IGFBP7: variants seen among roughly 807,000 people sequenced by gnomAD.
IGFBP7 encodes the protein insulin like growth factor binding protein 7.
A neutral mutation model predicts 29.4 loss-of-function variants in IGFBP7; 31 were observed. That is an observed-to-expected ratio of 1.05 (90% CI 0.79 to 1.42). The LOEUF (loss-of-function observed/expected upper bound fraction) is 1.42. IGFBP7 is among the 40% of genes most tolerant of loss of function. The pLI, the probability that IGFBP7 is intolerant of heterozygous loss-of-function variation, is 0.00. For missense variants in IGFBP7, 393 were observed against 395.5 expected (o/e 0.99, Z 0.05); for synonymous variants, 172 against 174.9 (o/e 0.98, Z 0.13).
At chr4:57,070,503 G>A (rs1405272548) in intron 1 of IGFBP7, among the ~76,000 whole-genome samples, 2 of 152,148 alleles carry the variant, frequency 1.3e-5, no homozygotes, top group African/African-American at 4.8e-5. Flanking sequence ...ATCCCTTTGG[G>A]GACAGAAAAA....
intron 3 of IGFBP7, 152 bp from the exon 4 acceptor site, chr4:57,032,704 G>A (rs1349885070): frequency 1.5e-6 from 1 of 687,084 alleles, no homozygotes; most frequent in Non-Finnish European, 2.6e-6. Context: ...TGTGATAGGA[G>A]ACTTCGATAA....
chr4:57,049,712 T>C (rs1724457189), intron 1 of IGFBP7, among the ~76,000 whole-genome samples: 1 of 152,190 alleles, frequency 6.6e-6, no homozygotes, highest in Admixed American at 6.5e-5. Flanking sequence ...TTAGCTGGCC[T>C]AATTGAGGAT....
At chr4:57,038,478 G>A (rs1417783659) in intron 2 of IGFBP7, among the ~76,000 whole-genome samples, 1 of 152,144 alleles carries the variant, frequency 6.6e-6, no homozygotes, top group Non-Finnish European at 1.5e-5. Context: ...TGCCTAGGCT[G>A]GTTTCAAATG....
chr4:57,102,869 A>C (rs1049027730), intron 1 of IGFBP7, among the ~76,000 whole-genome samples: 2 of 152,212 alleles, frequency 1.3e-5, no homozygotes, highest in African/African-American at 4.8e-5. Flanking sequence ...ACTGGACTGG[A>C]GCAGACTCTT....
chr4:57,093,925 C>T (rs1310397967), intron 1 of IGFBP7, among the ~76,000 whole-genome samples: 1 of 152,084 alleles, frequency 6.6e-6, no homozygotes, highest in African/African-American at 2.4e-5. Flanking sequence ...TGTAAATGTA[C>T]CTTTGTTCAT....
chr4:57,110,025 G>T lies in IGFBP7; in HGVS notation c.327C>A (p.Gly109=). 2 of 1,555,218 alleles carry T rather than the reference G, an allele frequency of 1.3e-6. No individual in the cohort carries two copies. The highest frequency in any genetic ancestry group is 2.4e-5 in the East Asian group (1 of 42,164). Residue 109 remains glycine, a synonymous_variant, in exon 1 of 5, where the codon GGC becomes GGA. Coordinates refer to ENST00000295666, the MANE Select transcript of IGFBP7 (RefSeq NM_001553.3). ...GGTAGCGGCTCTTGCACACGCACAC[G>T]CCGCTTACACCCGGACCGCCGGCTG... The part of the protein sequence containing the change: ...GAAAGGPGVS[G]VCVCKSRYPV...
intron 1 of IGFBP7, among the ~76,000 whole-genome samples, chr4:57,095,198 A>G (rs924210372): frequency 2.6e-5 from 4 of 152,234 alleles, no homozygotes; most frequent in African/African-American, 9.6e-5. Context: ...CATGAGTTCA[A>G]TGTTAATGAA....
intron 1 of IGFBP7, among the ~76,000 whole-genome samples, chr4:57,052,972 G>T (rs753602410): frequency 6.6e-6 from 1 of 151,580 alleles, no homozygotes; most frequent in Non-Finnish European, 1.5e-5. Flanking sequence ...GCAATGTGTT[G>T]GTTGCTTGCA....
At chr4:57,080,496 C>T (rs983976247) in intron 1 of IGFBP7, among the ~76,000 whole-genome samples, 1 of 152,098 alleles carries the variant, frequency 6.6e-6, no homozygotes, top group Non-Finnish European at 1.5e-5. Flanking sequence ...ATACTGAGTC[C>T]CCATCTTCCC....
At chr4:57,034,107 A>G (rs1423343459) in intron 2 of IGFBP7, among the ~76,000 whole-genome samples, 1 of 150,272 alleles carries the variant, frequency 6.7e-6, no homozygotes, top group African/African-American at 2.4e-5. Context: ...TTCTTTTATG[A>G]CAAAACTTGC....
chr4:57,085,986 G>A (rs926888946), intron 1 of IGFBP7, among the ~76,000 whole-genome samples: 4 of 152,200 alleles, frequency 2.6e-5, no homozygotes, highest in Non-Finnish European at 4.4e-5. Context: ...GAAGGGAGCT[G>A]TATTAGTCCA....
intron 1 of IGFBP7, among the ~76,000 whole-genome samples, chr4:57,070,255 T>C (rs3849658): frequency 0.16 from 24,741 of 152,178 alleles, 2,084 homozygotes; most frequent in South Asian, 0.17. Flanking sequence ...TTGTATAATG[T>C]CTTATTAAGA....
Position 57,086,485 on chromosome 4 carries a change from T to C in IGFBP7, c.475+23392A>G, listed in dbSNP as rs141899727. Among the ~76,000 whole-genome samples, 428 of 152,296 alleles carry C rather than the reference T, an allele frequency of 2.8e-3. 2 individuals carry two copies. Among genetic ancestry groups the C allele is most frequent in the Non-Finnish European group, 4.4e-3 (300 of 68,028 alleles). ...GGCTATGTTGAGATTTACCTATTAT[T>C]GGATCTGTCATCACCTCATTACTGC... On this transcript the variant is annotated intron_variant, in intron 1 of 4. Coordinates refer to ENST00000295666, the MANE Select transcript of IGFBP7 (RefSeq NM_001553.3).
chr4:57,093,707 A>G (rs1352354189), intron 1 of IGFBP7, among the ~76,000 whole-genome samples: 2 of 152,080 alleles, frequency 1.3e-5, no homozygotes, highest in African/African-American at 4.8e-5. Flanking sequence ...TAAGGTATTT[A>G]AATACAATCT....
intron 1 of IGFBP7, among the ~76,000 whole-genome samples, chr4:57,062,442 G>C (rs370282343): frequency 6.6e-6 from 1 of 152,136 alleles, no homozygotes; most frequent in African/African-American, 2.4e-5. Context: ...ATTTGCACCC[G>C]GTCTGAAATG....
chr4:57,058,289 A>G (rs186451874), intron 1 of IGFBP7, among the ~76,000 whole-genome samples: 3 of 152,336 alleles, frequency 2.0e-5, no homozygotes, highest in African/African-American at 2.4e-5. Context: ...CAGAAGTTCA[A>G]TTCCTAATAA....
At chr4:57,078,583 G>A (rs527934582) in intron 1 of IGFBP7, among the ~76,000 whole-genome samples, 4 of 151,780 alleles carry the variant, frequency 2.6e-5, no homozygotes, top group African/African-American at 4.8e-5. Context: ...GAAGAGCTTC[G>A]CTCCTGCTTA....
chr4:57,084,826 T>A (rs1725459750), intron 1 of IGFBP7, among the ~76,000 whole-genome samples: 1 of 136,740 alleles, frequency 7.3e-6, no homozygotes, highest in African/African-American at 2.6e-5. Context: ...GGTCTCACTG[T>A]GTTGCCCAGG....
At chr4:57,081,015 A>T (rs1371998637) in intron 1 of IGFBP7, among the ~76,000 whole-genome samples, 1 of 152,198 alleles carries the variant, frequency 6.6e-6, no homozygotes, top group African/African-American at 2.4e-5. Context: ...GACAGATGCC[A>T]TCTGGTCCTT....
Sources: allele counts gnomAD v4.1 joint callset (sites outside exome capture counted in the v4.1 genomes callset), GRCh38; gene constraint gnomAD v4.1.1; transcripts MANE v1.5; gene names NCBI Gene and HGNC (gene_info 2026-07-23, HGNC 2026-07-21).